The following SENP6 variants were observed in gnomAD, a reference collection of about 807,000 sequenced individuals.
The protein encoded by SENP6 is sentrin-specific protease 6.
In SENP6, 41 loss-of-function variants were observed where a neutral mutation model predicts 134.5. The observed-to-expected ratio is 0.30, with a 90% CI of 0.24 to 0.40. The LOEUF (loss-of-function observed/expected upper bound fraction) is 0.40. Ranked by LOEUF, SENP6 falls within the 10% of genes least tolerant of loss-of-function variation. The probability of loss-of-function intolerance (pLI) is 1.00; values close to 1 mark genes in which losing one functional copy is unlikely to be tolerated. For synonymous variants in SENP6, 395 were observed against 429.8 expected (o/e 0.92, Z 1.00); for missense variants, 1,248 against 1,312.5 (o/e 0.95, Z 0.76).
intron 1 of SENP6, among the ~76,000 whole-genome samples, chr6:75,613,594 G>A (rs1163841148): frequency 6.6e-6 from 1 of 151,700 alleles, no homozygotes; most frequent in Non-Finnish European, 1.5e-5. Context: ...ATAGGGGGAT[G>A]TATAAATAAG....
At position 75,702,945 on chromosome 6, in the gene SENP6, A is replaced by G. The variant is rs1280053410; in HGVS notation, c.2589A>G (p.Lys863=). 19 of 1,613,918 alleles carry G rather than the reference A, an allele frequency of 1.2e-5. No individual in the cohort carries two copies. Among genetic ancestry groups the G allele is most frequent in the Non-Finnish European group, 1.6e-5 (19 of 1,179,964 alleles). Residue 863 remains lysine (K), a synonymous_variant, in exon 19 of 24, where the codon AAA becomes AAG. Coordinates refer to ENST00000447266, the MANE Select transcript of SENP6 (RefSeq NM_015571.4). ...GCAGTGTAAAATACAGTGTGAAAAA[A>G]ATAAATCATACTGCGAGTGAAAATG... The part of the protein sequence containing the change: ...NICSVKYSVK[K]INHTASENEE...
intron 8 of SENP6, 21 bp downstream of exon 8, chr6:75,659,428 T>A (rs1468001102): frequency 6.3e-7 from 1 of 1,575,104 alleles, no homozygotes; most frequent in Non-Finnish European, 8.7e-7. Context: ...AAATTATTCT[T>A]TGTTGCTAAT....
chr6:75,634,887 T>C (rs1769388739), intron 5 of SENP6, 76 bp downstream of exon 5: 2 of 956,066 alleles, frequency 2.1e-6, no homozygotes, highest in Non-Finnish European at 3.3e-6. Context: ...TTTAACCATT[T>C]TTTTCCTTTG....
chr6:75,667,943 T>A (rs1772374510), intron 10 of SENP6, among the ~76,000 whole-genome samples: 1 of 152,212 alleles, frequency 6.6e-6, no homozygotes, highest in Non-Finnish European at 1.5e-5. Context: ...ATGTGTATAT[T>A]ACTTTAGTAT....
chr6:75,636,689 T>C (rs1769541606), intron 5 of SENP6, among the ~76,000 whole-genome samples: 1 of 151,382 alleles, frequency 6.6e-6, no homozygotes, highest in African/African-American at 2.4e-5. Context: ...ATTAAAGGAG[T>C]TTTTGAGTTT....
intron 19 of SENP6, among the ~76,000 whole-genome samples, chr6:75,703,556 T>C (rs1287121690): frequency 6.6e-6 from 1 of 152,058 alleles, no homozygotes; most frequent in African/African-American, 2.4e-5. Context: ...AGCTCAGAAG[T>C]TTGAAACCAG....
intron 18 of SENP6, among the ~76,000 whole-genome samples, chr6:75,701,218 C>G (rs1424084919): frequency 1.3e-5 from 2 of 152,132 alleles, no homozygotes; most frequent in Admixed American, 6.5e-5. Flanking sequence ...TGTGCTTGAC[C>G]AATAAGCTCC....
In SENP6 at chr6:75,602,533, C is replaced by G. The variant is rs1485631744; in HGVS notation, c.9C>G (p.Ala3=). The G allele has an allele frequency of 6.4e-7, 1 of 1,551,488 alleles. No homozygotes were observed. The highest frequency in any genetic ancestry group is 2.0e-5 in the Admixed American group (1 of 51,000). Residue 3 remains alanine (A), a synonymous_variant, in exon 1 of 24, where the codon GCC becomes GCG. Coordinates refer to ENST00000447266, the MANE Select transcript of SENP6 (RefSeq NM_015571.4). ...GGCGTGGGAGGAGGAAGATGGCGGC[C>G]GGCAAGAGCGGCGGTAGCGCAGGGG... MA[A]GKSGGSAGEI... is the part of the protein sequence containing the mutation.
At chr6:75,697,370 T>C in intron 17 of SENP6, 55 bp from the exon 18 acceptor site, 2 of 1,250,912 alleles carry the variant, frequency 1.6e-6, no homozygotes, top group Non-Finnish European at 2.3e-6. Context: ...TCACTACATA[T>C]AAGCTGGAGC....
chr6:75,640,784 G>T, intron 6 of SENP6, 80 bp downstream of exon 6: 2 of 857,216 alleles, frequency 2.3e-6, no homozygotes, highest in Non-Finnish European at 3.4e-6. Flanking sequence ...AAAAATATTG[G>T]TTGAATTAGA....
At chr6:75,699,010 C>CAA (rs1219073253) in intron 18 of SENP6, among the ~76,000 whole-genome samples, 12 of 90,062 alleles carry the variant, frequency 1.3e-4, no homozygotes, top group African/African-American at 3.3e-4. Flanking sequence ...GACTCCATCT[C>CAA]AAAAAAAAAA....
In SENP6 at chr6:75,702,668, T is replaced by C. The variant is rs962595554; in HGVS notation, c.2312T>C (p.Val771Ala). The C allele has an allele frequency of 6.3e-7, 1 of 1,595,862 alleles. No individual in the cohort carries two copies. Among genetic ancestry groups the C allele is most frequent in the Non-Finnish European group, 8.5e-7 (1 of 1,171,108 alleles). ...AGTGCACACTGGTTTTTGGCTGTTG[T>C]TTGTTTCCCCGGTTTGGAAAAACCA... is the stretch of plus-strand genomic sequence containing the variant. ...NEAAHWFLAVVCFPGLEKPKY... is the reference protein window; with the variant it reads ...NEAAHWFLAVACFPGLEKPKY... Residue 771 changes from valine (V) to alanine (A), a missense_variant, in exon 19 of 24, where the codon GTT (valine) becomes GCT (alanine). Coordinates refer to ENST00000447266, the MANE Select transcript of SENP6 (RefSeq NM_015571.4).
At chr6:75,658,973 C>CAAAAAAAA (rs1412151177) in intron 7 of SENP6, among the ~76,000 whole-genome samples, 1 of 28,538 alleles carries the variant, frequency 3.5e-5, no homozygotes, top group African/African-American at 1.4e-4. Flanking sequence ...CCTTGTCTCC[C>CAAAAAAAA]CAAAAAAAAA....
At chr6:75,644,541 A>G (rs905984704) in intron 6 of SENP6, among the ~76,000 whole-genome samples, 7 of 151,606 alleles carry the variant, frequency 4.6e-5, no homozygotes, top group East Asian at 1.9e-4. Flanking sequence ...CTAGAGGGCA[A>G]TGGTGCAACC....
chr6:75,705,558 A>AAATT (rs1300141858), intron 19 of SENP6, among the ~76,000 whole-genome samples: 4 of 150,644 alleles, frequency 2.7e-5, no homozygotes, highest in East Asian at 2.0e-4. Flanking sequence ...ATAAATAAAT[A>AAATT]AATTAATTAA....
chr6:75,694,555 A>G (rs1774523765), intron 16 of SENP6, among the ~76,000 whole-genome samples: 1 of 152,128 alleles, frequency 6.6e-6, no homozygotes, highest in African/African-American at 2.4e-5. Flanking sequence ...TTTTCTTCCA[A>G]TCCCTCCTCC....
intron 1 of SENP6, chr6:75,611,992 T>C (rs1036978987): frequency 6.6e-6 from 1 of 152,244 alleles, no homozygotes; most frequent in Non-Finnish European, 1.5e-5. Context: ...TTAAAGACTT[T>C]ATCTTGAAGT....
chr6:75,663,955 A>C (rs1771988068), intron 9 of SENP6, among the ~76,000 whole-genome samples: 1 of 152,136 alleles, frequency 6.6e-6, no homozygotes, highest in African/African-American at 2.4e-5. Flanking sequence ...TATGGCATGC[A>C]GTCCTTGTTT....
rs1775988797 is a variant in SENP6, at chr6:75,715,649, G to C, written c.*55G>C. 7.1e-7 allele frequency: 1 copy of C among 1,404,398 alleles called. No homozygotes were observed. The highest frequency in any genetic ancestry group is 1.4e-5 in the African/African-American group (1 of 70,184). 87.0% of individuals were successfully genotyped at this position (1,404,398 alleles called of 1,614,324 possible). On this transcript the variant is annotated 3_prime_UTR_variant, in exon 24 of 24. Transcript: ENST00000447266. Reference sequence around the variant, plus strand: ...CAGAAACTAAATGACTTTCAAATTTGGGTATAGACAATAAAGAACTGAAGT... The same window carrying C: ...CAGAAACTAAATGACTTTCAAATTTCGGTATAGACAATAAAGAACTGAAGT...
Sources: allele counts gnomAD v4.1 joint callset (sites outside exome capture counted in the v4.1 genomes callset), GRCh38; gene constraint gnomAD v4.1.1; transcripts MANE v1.5; gene names NCBI Gene and HGNC (gene_info 2026-07-23, HGNC 2026-07-21).